SLC9A1: variants seen among roughly 807,000 people sequenced by gnomAD.
The protein encoded by SLC9A1 is sodium/hydrogen exchanger 1.
Under a neutral mutation model 67.9 loss-of-function variants are expected in SLC9A1, and 22 were observed. The observed-to-expected ratio is 0.32, with a 90% CI of 0.23 to 0.46. The LOEUF (loss-of-function observed/expected upper bound fraction) is 0.46. Ranked by LOEUF, SLC9A1 falls within the 20% of genes least tolerant of loss-of-function variation. SLC9A1 has a pLI of 1.00. For synonymous variants in SLC9A1, 421 were observed against 471.8 expected (o/e 0.89, Z 1.40); for missense variants, 686 against 1,094.8 (o/e 0.63, Z 5.27).
At chr1:27,103,139 G>C in intron 6 of SLC9A1, 84 bp downstream of exon 6, 5 of 1,016,580 alleles carry the variant, frequency 4.9e-6, no homozygotes, top group Non-Finnish European at 1.6e-6. Context: ...AGGGGCTGAT[G>C]GGGGGCAGAG....
intron 1 of SLC9A1, among the ~76,000 whole-genome samples, chr1:27,116,189 G>A (rs1164088675): frequency 2.6e-5 from 4 of 152,140 alleles, no homozygotes; most frequent in Non-Finnish European, 5.9e-5. Flanking sequence ...GTGAAACCCT[G>A]TCTCTACTAA....
rs1362407845 is a variant in SLC9A1, at chr1:27,114,958, AG to A, written c.353-673del. 1.3e-5 allele frequency among the ~76,000 whole-genome samples: 2 copies of A among 152,226 alleles called. No homozygotes were observed. The highest frequency in any genetic ancestry group is 2.9e-5 in the Non-Finnish European group (2 of 68,024). On this transcript the variant is annotated intron_variant, in intron 1 of 11. Transcript: ENST00000263980. The surrounding 1 kb of genome is among the most constrained non-coding windows in gnomAD (Gnocchi z 5.4). Reference sequence around the variant, plus strand: ...AGGCAGCTGCTCAAGACACGGCTCAAGGATGTCAGTGGCAACCAGCTTTGGC... The same window carrying A: ...AGGCAGCTGCTCAAGACACGGCTCAAGATGTCAGTGGCAACCAGCTTTGGC...
intron 1 of SLC9A1, among the ~76,000 whole-genome samples, chr1:27,148,998 T>C (rs11247612): frequency 0.31 from 47,316 of 152,134 alleles, 7,771 homozygotes; most frequent in Non-Finnish European, 0.36. Context: ...CAGGCAGGGT[T>C]GCTAGCAGAG....
At chr1:27,146,553 T>G (rs1051694777) in intron 1 of SLC9A1, among the ~76,000 whole-genome samples, 1 of 152,224 alleles carries the variant, frequency 6.6e-6, no homozygotes, top group African/African-American at 2.4e-5. Context: ...CAGACAAATC[T>G]GGGCTTAAAC....
rs369709011 is a variant in SLC9A1, at chr1:27,107,534, C to A, written c.1282+114G>T. The stretch of plus-strand genomic sequence containing the variant: ...TGCACCACATGCACACACCACATAG[C>A]CTGGCCCTTCCACATAGTGCACTGC... On this transcript the variant is annotated intron_variant, in intron 4 of 11. Coordinates refer to ENST00000263980, the MANE Select transcript of SLC9A1 (RefSeq NM_003047.5). The A allele has an allele frequency of 5.3e-5, 41 of 774,368 alleles. No homozygotes were observed. In the East Asian group the frequency reaches 5.6e-4, roughly 11 times the overall value. The allele number at this position is 774,368 out of a possible 1,614,324, so 48.0% of individuals were successfully genotyped here. A position where few individuals can be genotyped will look rare whatever the true frequency, so the allele number is the denominator to read the frequency against.
rs926556863 is a variant in SLC9A1 at position 27,150,585 on chromosome 1, T to C, written c.352+3398A>G. On this transcript the variant is annotated intron_variant, in intron 1 of 11. Transcript: ENST00000263980. ...TAAGGCTTGGAGTCATTCCCACAGTTTTCCCAATAGCCTAAATCCTCTTCA... is the reference window on the plus strand; with the variant it reads ...TAAGGCTTGGAGTCATTCCCACAGTCTTCCCAATAGCCTAAATCCTCTTCA... Among the ~76,000 whole-genome samples the C allele has an allele frequency of 5.3e-5, 8 of 152,012 alleles. No individual in the cohort carries two copies. The South Asian group carries it at 1.5e-3, about 28-fold the overall frequency.
Position 27,110,700 on chromosome 1 carries a change from G to A in SLC9A1, c.814-923C>T, listed in dbSNP as rs534466000. Among the ~76,000 whole-genome samples, 18 of 152,366 alleles carry A rather than the reference G, an allele frequency of 1.2e-4. No individual in the cohort carries two copies. In the East Asian group the frequency reaches 2.3e-3, roughly 20 times the overall value. ...ACACGCCAGGGGGCCCCCAGCCCAGGAGCAGAAGAACTGGGCCCAGAACTT... is the reference window on the plus strand; with the variant it reads ...ACACGCCAGGGGGCCCCCAGCCCAGAAGCAGAAGAACTGGGCCCAGAACTT... On this transcript the variant is annotated intron_variant, in intron 2 of 11. Transcript: ENST00000263980.
Position 27,109,213 on chromosome 1 carries a change from G to C in SLC9A1, c.1064+314C>G, listed in dbSNP as rs1200685276. Among the ~76,000 whole-genome samples the C allele has an allele frequency of 1.3e-5, 2 of 152,106 alleles. No homozygotes were observed. Among genetic ancestry groups the C allele is most frequent in the Non-Finnish European group, 2.9e-5 (2 of 68,018 alleles). ...AACCTGAAGCTTAGTGGCTTCCAAG[G>C]CTCTGCTCTCCTATACCCTGGGCTT... On this transcript the variant is annotated intron_variant, in intron 3 of 11. Transcript: ENST00000263980. This position sits in a 1 kb window ranked among gnomAD's most constrained non-coding sequence, Gnocchi z 5.5.
chr1:27,154,311 A>G lies in SLC9A1; in HGVS notation c.24T>C (p.Cys8=), dbSNP rs1360021930. The change falls in exon 1 of 12, where the codon TGT becomes TGC. Residue 8 remains cysteine (C), a synonymous_variant. Coordinates refer to ENST00000263980, the MANE Select transcript of SLC9A1 (RefSeq NM_003047.5). ...GGAAGATCCGATGTGGAGAGAGGCC[A>G]CAGATGCCAGACCGCAGAACCATGG... The part of the protein sequence containing the change: MVLRSGI[C]GLSPHRIFPS... 7 of 1,600,724 alleles carry G rather than the reference A, an allele frequency of 4.4e-6. No individual in the cohort carries two copies. Among genetic ancestry groups the G allele is most frequent in the African/African-American group, 1.3e-5 (1 of 74,830 alleles).
chr1:27,103,472 C>T, intron 5 of SLC9A1, 160 bp from the exon 6 acceptor site: 2 of 643,700 alleles, frequency 3.1e-6, no homozygotes, highest in South Asian at 3.5e-5. Flanking sequence ...CCTCCCAGCA[C>T]TTATCTAAAG....
At position 27,106,583 on chromosome 1, in the gene SLC9A1, G is replaced by A. The variant is rs552484568; in HGVS notation, c.1283-496C>T. On this transcript the variant is annotated intron_variant, in intron 4 of 11. Transcript: ENST00000263980. This position sits in a 1 kb window ranked among gnomAD's most constrained non-coding sequence, Gnocchi z 4.3. ...TTTCAAAAGTGCACCAAATAAATGT[G>A]AGGTCCTGCCAGGCTTGGGGACATG... Among the ~76,000 whole-genome samples, 4 of 152,256 alleles carry A rather than the reference G, an allele frequency of 2.6e-5. No homozygotes were observed. The highest frequency in any genetic ancestry group is 5.9e-5 in the Non-Finnish European group (4 of 68,006).
chr1:27,123,849 C>T (rs1040281058), intron 1 of SLC9A1, among the ~76,000 whole-genome samples: 4 of 151,218 alleles, frequency 2.6e-5, no homozygotes, highest in South Asian at 4.2e-4. Context: ...TTTTTTGAGA[C>T]GGAGTCCCGC....
intron 1 of SLC9A1, among the ~76,000 whole-genome samples, chr1:27,115,069 GA>G (rs2083255897): frequency 6.6e-6 from 1 of 152,180 alleles, no homozygotes; most frequent in Admixed American, 6.5e-5. Context: ...TCAGAAAAGG[GA>G]AGGGACTTGC....
chr1:27,125,954 C>T (rs574045653), intron 1 of SLC9A1, among the ~76,000 whole-genome samples: 116 of 152,214 alleles, frequency 7.6e-4, no homozygotes, highest in South Asian at 4.2e-4. Context: ...TCCCCCTCCG[C>T]GTCTTTCCAC....
Position 27,154,924 on chromosome 1 carries a change from G to C in SLC9A1, c.-590C>G, listed in dbSNP as rs573245257. Reference sequence around the variant, plus strand: ...CCAGGCGCGCCGGGCTGAGATTCCGGGGAAATGGAAAGAGGCGGAAGGCAG... The same window carrying C: ...CCAGGCGCGCCGGGCTGAGATTCCGCGGAAATGGAAAGAGGCGGAAGGCAG... On this transcript the variant is annotated 5_prime_UTR_variant, in exon 1 of 12. Transcript: ENST00000263980. The C allele has an allele frequency of 6.6e-6, 1 of 152,472 alleles. No individual in the cohort carries two copies. Among genetic ancestry groups the C allele is most frequent in the East Asian group, 1.9e-4 (1 of 5,198 alleles). 9.4% of individuals were successfully genotyped at this position (152,472 alleles called of 1,614,324 possible).
intron 4 of SLC9A1, among the ~76,000 whole-genome samples, chr1:27,107,221 A>ACACACACACC (rs2083193173): frequency 1.5e-5 from 1 of 68,740 alleles, no homozygotes. Flanking sequence ...CAGCCCCTCT[A>ACACACACACC]CACACACCCA....
In SLC9A1 at chr1:27,101,245, TG is replaced by T; in HGVS notation, c.2067del (p.His689GlnfsTer45). ...CGAGACATGGTGGGTGAGTCCAGCTTGTGGGCTGGCACCGTCAGGTAGTTGT... is the reference window on the plus strand; with the variant it reads ...CGAGACATGGTGGGTGAGTCCAGCTTTGGGCTGGCACCGTCAGGTAGTTGT... Reference protein sequence around the residue: ...KINNYLTVPAHKLDSPTMSRA... With the variant: ...KINNYLTVPAXKLDSPTMSRA... On this transcript the variant is annotated frameshift_variant, in exon 11 of 12. Transcript: ENST00000263980. LOFTEE classifies it high-confidence loss of function. This position sits in a 1 kb window ranked among gnomAD's most constrained non-coding sequence, Gnocchi z 4.9. 1 of 1,612,270 alleles carries T rather than the reference TG, an allele frequency of 6.2e-7. No homozygotes were observed. The highest frequency in any genetic ancestry group is 8.5e-7 in the Non-Finnish European group (1 of 1,179,936).
chr1:27,120,609 G>T (rs941123282), intron 1 of SLC9A1, among the ~76,000 whole-genome samples: 1 of 151,862 alleles, frequency 6.6e-6, no homozygotes, highest in Non-Finnish European at 1.5e-5. Context: ...GTGGTGGCAG[G>T]CGCCTCTAAT....
rs191898529 is a variant in SLC9A1, at chr1:27,100,118, G to T, written c.*189C>A. ...AATGGATTGGGGAGGCAGCTCTGGT[G>T]GGGAGGATGCTTCCCGGGAGGCGGC... On this transcript the variant is annotated 3_prime_UTR_variant, in exon 12 of 12. Coordinates refer to ENST00000263980, the MANE Select transcript of SLC9A1 (RefSeq NM_003047.5). The surrounding 1 kb of genome is among the most constrained non-coding windows in gnomAD (Gnocchi z 5.6). The T allele has an allele frequency of 3.9e-5, 19 of 485,776 alleles. No individual in the cohort carries two copies. The highest frequency in any genetic ancestry group is 6.5e-5 in the Non-Finnish European group (18 of 278,044). 30.1% of individuals were successfully genotyped at this position (485,776 alleles called of 1,614,324 possible).
Sources: allele counts gnomAD v4.1 joint callset (sites outside exome capture counted in the v4.1 genomes callset), GRCh38; gene constraint gnomAD v4.1.1; non-coding constraint Gnocchi (gnomAD v3.1); transcripts MANE v1.5; gene names NCBI Gene and HGNC (gene_info 2026-07-23, HGNC 2026-07-21).